The following FADS2 variants were observed in gnomAD, a reference collection of about 807,000 sequenced individuals.
FADS2 encodes fatty acid desaturase 2, also known as acyl-CoA 6-desaturase.
In FADS2, 18 loss-of-function variants were observed where a neutral mutation model predicts 61.2. That is an observed-to-expected ratio of 0.29 (90% CI 0.20 to 0.44). The LOEUF is 0.44. Ranked by LOEUF, FADS2 falls within the 20% of genes least tolerant of loss-of-function variation. FADS2 has a pLI of 1.00. For missense variants in FADS2, 322 were observed against 572.7 expected, an observed-to-expected ratio of 0.56 and a Z score of 4.47; for synonymous variants, 203 against 223.9, an observed-to-expected ratio of 0.91 and a Z score of 0.83.
Position 61,863,000 on chromosome 11 carries a change from T to A in FADS2, c.911T>A (p.Ile304Asn). The change falls in exon 8 of 12, where the codon ATC (isoleucine) becomes AAC (asparagine). Residue 304 changes from isoleucine to asparagine, a missense_variant. Physicochemically the swap from Ile to Asn is moderately radical, Grantham distance 149. This residue lies in a region of FADS2 where 221 missense variants were observed against 427.9 expected (regional missense o/e 0.52). Transcript: ENST00000278840. ...VDLAWAVSYY[I>N]RFFITYIPFY... Reference sequence around the variant, plus strand: ...CTGGCCTGGGCCGTCAGCTACTACATCCGGTTCTTCATCACCTACATCCCT... The same window carrying A: ...CTGGCCTGGGCCGTCAGCTACTACAACCGGTTCTTCATCACCTACATCCCT... 1 of 1,614,240 alleles carries A rather than the reference T, an allele frequency of 6.2e-7. No individual in the cohort carries two copies. The highest frequency in any genetic ancestry group is 8.5e-7 in the Non-Finnish European group (1 of 1,180,048).
At chr11:61,857,863 C>CT (rs781175823) in intron 7 of FADS2, among the ~76,000 whole-genome samples, 2 of 152,200 alleles carry the variant, frequency 1.3e-5, no homozygotes, top group Non-Finnish European at 2.9e-5. Flanking sequence ...GTCCCATGAA[C>CT]TGGGTTGCCC....
At chr11:61,835,240 C>A (rs983320417) in intron 1 of FADS2, among the ~76,000 whole-genome samples, 6 of 152,074 alleles carry the variant, frequency 3.9e-5, no homozygotes, top group African/African-American at 1.4e-4. Context: ...TCAGTCTGTT[C>A]TAGACACAAA....
upstream of FADS2, chr11:61,828,117 A>T: frequency 7.5e-7 from 1 of 1,330,268 alleles, no homozygotes. This position sits in a 1 kb window ranked among gnomAD's most constrained non-coding sequence, Gnocchi z 6.4. Context: ...CTGGAGGCAA[A>T]AGTCCATAGC....
In FADS2 at chr11:61,850,834, C is replaced by T. The variant is rs554747034; in HGVS notation, c.744+2550C>T. Among the ~76,000 whole-genome samples, 22 of 152,220 alleles carry T rather than the reference C, an allele frequency of 1.4e-4. No individual in the cohort carries two copies. In the South Asian group the frequency reaches 4.1e-3, roughly 29 times the overall value. ...ATTTTCCCTCACTAAGGAGTGGCAC[C>T]GTGAGTGAAGTAGTATTCCCGACAG... is the stretch of plus-strand genomic sequence containing the variant. On this transcript the variant is annotated intron_variant, in intron 5 of 11. Transcript: ENST00000278840.
chr11:61,861,224 G>C (rs1412423360), intron 7 of FADS2, among the ~76,000 whole-genome samples: 1 of 151,134 alleles, frequency 6.6e-6, no homozygotes, highest in Non-Finnish European at 1.5e-5. Context: ...CGTGGTGGCG[G>C]GCACCTGTAG....
intron 2 of FADS2, among the ~76,000 whole-genome samples, chr11:61,838,512 G>T (rs1470954730): frequency 6.6e-6 from 1 of 152,014 alleles, no homozygotes; most frequent in African/African-American, 2.4e-5. Context: ...TGTGACCAGG[G>T]TGGTCATGGA....
At chr11:61,837,036 T>C (rs138576529) in intron 1 of FADS2, among the ~76,000 whole-genome samples, 232 of 152,386 alleles carry the variant, frequency 1.5e-3, no homozygotes, top group African/African-American at 5.1e-3. Flanking sequence ...TTCTGGGTGA[T>C]ATTTATTTTC....
In FADS2 at chr11:61,865,031, G is replaced by T; in HGVS notation, c.1158-121G>T. 8.3e-7 allele frequency: 1 copy of T among 1,211,414 alleles called. No homozygotes were observed. The highest frequency in any genetic ancestry group is 1.4e-5 in the South Asian group (1 of 72,026). The allele number at this position is 1,211,414 out of a possible 1,614,324, so 75.0% of individuals were successfully genotyped here. On this transcript the variant is annotated intron_variant, in intron 10 of 11. Transcript: ENST00000278840. The surrounding 1 kb of genome is among the most constrained non-coding windows in gnomAD (Gnocchi z 4.1). ...CACGAGGAGCCACACTTTGAGACTGGTCCTGGCTGTGGACAGGGTCTCTGA... is the reference window on the plus strand; with the variant it reads ...CACGAGGAGCCACACTTTGAGACTGTTCCTGGCTGTGGACAGGGTCTCTGA...
intron 1 of FADS2, among the ~76,000 whole-genome samples, chr11:61,833,955 C>T (rs564121784): frequency 1.3e-4 from 20 of 152,336 alleles, no homozygotes; most frequent in South Asian, 2.1e-4. Context: ...TGCAGGCCTT[C>T]CCAACTGGGG....
At chr11:61,827,742 C>G (rs1031409534), upstream of FADS2, 2 of 152,314 alleles carry the variant, frequency 1.3e-5, no homozygotes, top group African/African-American at 4.8e-5. This position sits in a 1 kb window ranked among gnomAD's most constrained non-coding sequence, Gnocchi z 4.5. Flanking sequence ...GCGCACGCGC[C>G]CCGGAGCGCG....
chr11:61,816,666 G>A lies in FADS2; in HGVS notation c.141+240G>A. 6.3e-7 allele frequency: 1 copy of A among 1,595,974 alleles called. No homozygotes were observed. The highest frequency in any genetic ancestry group is 1.1e-5 in the South Asian group (1 of 88,434). ...GGTCGATCACTAGCCACCGCTCCTC[G>A]CACCCTGAGCGCTGGGCCACCTCGT... On this transcript the variant is annotated intron_variant, in intron 1 of 11. Transcript: ENST00000257261. This position sits in a 1 kb window ranked among gnomAD's most constrained non-coding sequence, Gnocchi z 7.0.
intron 7 of FADS2, among the ~76,000 whole-genome samples, chr11:61,860,156 G>A (rs1176627364): frequency 6.6e-6 from 1 of 152,224 alleles, no homozygotes; most frequent in Non-Finnish European, 1.5e-5. Context: ...ACTTTTAATT[G>A]TCACAACTTC....
intron 7 of FADS2, among the ~76,000 whole-genome samples, chr11:61,859,261 T>G (rs1300278455): frequency 1.3e-5 from 2 of 152,060 alleles, no homozygotes; most frequent in African/African-American, 4.8e-5. Flanking sequence ...TTCACCATGT[T>G]GGTCAGGCTG....
chr11:61,866,349 T>C lies in FADS2; in HGVS notation c.*660T>C, dbSNP rs115338649. 6,689 of 206,232 alleles carry C rather than the reference T, an allele frequency of 0.032. 460 individuals carry two copies. Among genetic ancestry groups the C allele is most frequent in the African/African-American group, 0.14 (6,241 of 43,724 alleles). The allele number at this position is 206,232 out of a possible 1,614,324, so 12.8% of individuals were successfully genotyped here. A position where few individuals can be genotyped will look rare whatever the true frequency, so the allele number is the denominator to read the frequency against. ...GGCCCTGGAAGAGTCCTCCACCCCA[T>C]CACTAGAGTGCTCTGACCCTGGGCT... On this transcript the variant is annotated 3_prime_UTR_variant, in exon 12 of 12. Coordinates refer to ENST00000278840, the MANE Select transcript of FADS2 (RefSeq NM_004265.4).
chr11:61,821,514 A>AGTTGGC, intron 1 of FADS2: 2 of 687,012 alleles, frequency 2.9e-6, no homozygotes, highest in South Asian at 3.1e-5. Flanking sequence ...CCTAAACATA[A>AGTTGGC]TAGTTGGCCA....
At chr11:61,818,377 C>G (rs925922090) in intron 1 of FADS2, among the ~76,000 whole-genome samples, 1 of 152,130 alleles carries the variant, frequency 6.6e-6, no homozygotes, top group African/African-American at 2.4e-5. Context: ...TCTGTACAGC[C>G]AATATTCCTT....
At chr11:61,835,481 A>C (rs1591167423) in intron 1 of FADS2, among the ~76,000 whole-genome samples, 1 of 140,918 alleles carries the variant, frequency 7.1e-6, no homozygotes, top group Non-Finnish European at 1.5e-5. Context: ...GCAACCTTCC[A>C]CCTCCCTGGC....
Position 61,866,150 on chromosome 11 carries a change from C to T in FADS2, c.*461C>T. 2.5e-6 allele frequency: 1 copy of T among 399,008 alleles called. No individual in the cohort carries two copies. The allele number at this position is 399,008 out of a possible 1,614,324, so 24.7% of individuals were successfully genotyped here. A position where few individuals can be genotyped will look rare whatever the true frequency, so the allele number is the denominator to read the frequency against. ...GGTCCTAGTCGGGCAGGGCCCCTGACCCTCCCGGCCTGGCTTCACTCTCCC... is the reference window on the plus strand; with the variant it reads ...GGTCCTAGTCGGGCAGGGCCCCTGATCCTCCCGGCCTGGCTTCACTCTCCC... On this transcript the variant is annotated 3_prime_UTR_variant, in exon 12 of 12. Coordinates refer to ENST00000278840, the MANE Select transcript of FADS2 (RefSeq NM_004265.4).
chr11:61,831,450 A>T (rs2135955331), intron 1 of FADS2, among the ~76,000 whole-genome samples: 1 of 152,304 alleles, frequency 6.6e-6, no homozygotes, highest in Non-Finnish European at 1.5e-5. Context: ...CATTCTTGGG[A>T]CAATCCTCGA....
Sources: allele counts gnomAD v4.1 joint callset (sites outside exome capture counted in the v4.1 genomes callset), GRCh38; gene constraint gnomAD v4.1.1; regional missense constraint gnomAD v4.1.1; non-coding constraint Gnocchi (gnomAD v3.1); transcripts MANE v1.5; gene names NCBI Gene and HGNC (gene_info 2026-07-23, HGNC 2026-07-21).